Variants in HDAC8 observed in about 807,000 individuals in gnomAD.
HDAC8 encodes the protein histone deacetylase 8.
In HDAC8, 1 loss-of-function variant was observed where a neutral mutation model predicts 32.2. The ratio of observed to expected loss-of-function variants is 0.03; its 90% CI spans 0.01 to 0.15. The LOEUF (loss-of-function observed/expected upper bound fraction) is 0.15. Ranked by LOEUF, HDAC8 falls within the 10% of genes least tolerant of loss-of-function variation. The probability of loss-of-function intolerance (pLI) is 1.00; values close to 1 mark genes in which losing one functional copy is unlikely to be tolerated. For synonymous variants in HDAC8, 108 were observed against 113.9 expected (o/e 0.95, Z 0.33); for missense variants, 117 against 300.0 (o/e 0.39, Z 4.51).
chrX:72,545,528 T>C (rs1250487665), intron 4 of HDAC8, among the ~76,000 whole-genome samples: 4 of 111,939 alleles, frequency 3.6e-5, no homozygotes, highest in Non-Finnish European at 1.9e-5. Context: ...TGGGATTCCC[T>C]GTGCCACACT....
intron 9 of HDAC8, among the ~76,000 whole-genome samples, chrX:72,406,738 T>C (rs782448960): frequency 1.8e-5 from 2 of 112,654 alleles, no homozygotes; most frequent in South Asian, 7.4e-4. Context: ...CAGTCTAACA[T>C]AGTAACCACT....
At chrX:72,551,704 C>A (rs2051075798) in intron 4 of HDAC8, among the ~76,000 whole-genome samples, 1 of 111,977 alleles carries the variant, frequency 8.9e-6, no homozygotes, top group Non-Finnish European at 1.9e-5. Flanking sequence ...GCCTCCCCTG[C>A]CTCCAGTCTC....
intron 9 of HDAC8, among the ~76,000 whole-genome samples, chrX:72,361,640 A>G (rs1380469050): frequency 9.1e-6 from 1 of 109,619 alleles, no homozygotes; most frequent in Non-Finnish European, 1.9e-5. Context: ...GTGTGCGTGT[A>G]TATGTTTGCA....
At chrX:72,563,241 A>G (rs1213906360) in intron 4 of HDAC8, among the ~76,000 whole-genome samples, 1 of 111,762 alleles carries the variant, frequency 8.9e-6, no homozygotes, top group Non-Finnish European at 1.9e-5. Context: ...TATAATCCTT[A>G]TAATCATTAT....
intron 9 of HDAC8, among the ~76,000 whole-genome samples, chrX:72,416,464 T>G (rs1426634006): frequency 1.2e-5 from 1 of 83,160 alleles, no homozygotes; most frequent in Non-Finnish European, 2.4e-5. Context: ...TACTAGAGAT[T>G]TGTAAATTTT....
intron 9 of HDAC8, among the ~76,000 whole-genome samples, chrX:72,444,377 T>A (rs1457531417): frequency 8.9e-6 from 1 of 111,745 alleles, no homozygotes; most frequent in Non-Finnish European, 1.9e-5. Context: ...CAACACTGGT[T>A]CAATATACAT....
chrX:72,560,432 C>T (rs1387674917), intron 4 of HDAC8, among the ~76,000 whole-genome samples: 2 of 108,243 alleles, frequency 1.8e-5, no homozygotes, highest in African/African-American at 3.4e-5. Context: ...TGTGGAAGGC[C>T]GCAGGGTCCT....
intron 4 of HDAC8, among the ~76,000 whole-genome samples, chrX:72,505,209 T>C (rs782696818): frequency 8.9e-6 from 1 of 111,746 alleles, no homozygotes; most frequent in East Asian, 2.8e-4. Context: ...TTCACTTTGT[T>C]GATAAATATC....
rs1050546234 is a variant in HDAC8 at position 72,329,807 on chromosome X, T to C, written c.*247A>G. On this transcript the variant is annotated 3_prime_UTR_variant, in exon 11 of 11. Coordinates refer to ENST00000373573, the MANE Select transcript of HDAC8 (RefSeq NM_018486.3). ...AAAATTTCATTTGTGTGTGTGTGTTTTTTTAAATAAGAACTTTAAATGTGG... is the reference window on the plus strand; with the variant it reads ...AAAATTTCATTTGTGTGTGTGTGTTCTTTTAAATAAGAACTTTAAATGTGG... 9.3e-7 allele frequency: 1 copy of C among 1,074,167 alleles called. No homozygotes were observed. Among genetic ancestry groups the C allele is most frequent in the African/African-American group, 1.8e-5 (1 of 54,546 alleles). The allele number at this position is 1,074,167 out of a possible 1,213,427, so 88.5% of individuals were successfully genotyped here. A position where few individuals can be genotyped will look rare whatever the true frequency, so the allele number is the denominator to read the frequency against.
chrX:72,331,234 C>T (rs782486095), intron 10 of HDAC8, among the ~76,000 whole-genome samples: 18 of 111,040 alleles, frequency 1.6e-4, no homozygotes, highest in Non-Finnish European at 3.0e-4. Flanking sequence ...TATGCCCGGC[C>T]TTGCCTATCT....
chrX:72,384,924 G>C, intron 9 of HDAC8, among the ~76,000 whole-genome samples: 1 of 111,657 alleles, frequency 9.0e-6, no homozygotes, highest in Non-Finnish European at 1.9e-5. Context: ...CCTTATCTTG[G>C]AGATTCTTTC....
intron 9 of HDAC8, among the ~76,000 whole-genome samples, chrX:72,455,344 T>G (rs2047690900): frequency 2.7e-5 from 3 of 111,878 alleles, no homozygotes; most frequent in South Asian, 7.5e-4. Flanking sequence ...TAAAAAGTAT[T>G]AATTTTATTA....
At chrX:72,347,247 A>G (rs1162229245) in intron 10 of HDAC8, among the ~76,000 whole-genome samples, 3 of 111,777 alleles carry the variant, frequency 2.7e-5, no homozygotes, top group Non-Finnish European at 5.6e-5. Flanking sequence ...CCACACCCGT[A>G]TCAGTTTGTT....
intron 4 of HDAC8, among the ~76,000 whole-genome samples, chrX:72,553,592 G>A (rs1458245537): frequency 9.0e-6 from 1 of 111,506 alleles, no homozygotes; most frequent in Non-Finnish European, 1.9e-5. Context: ...GCTCATATTG[G>A]TAGGAGGGAA....
chrX:72,477,629 G>T (rs191467235), intron 7 of HDAC8, among the ~76,000 whole-genome samples: 1 of 112,478 alleles, frequency 8.9e-6, no homozygotes, highest in African/African-American at 3.2e-5. Flanking sequence ...ATACAATGAG[G>T]TGTGCAAGAA....
At chrX:72,417,334 C>T (rs1437515708) in intron 9 of HDAC8, among the ~76,000 whole-genome samples, 1 of 111,621 alleles carries the variant, frequency 9.0e-6, no homozygotes. Context: ...CTAGAAAATG[C>T]CACAGTCTCT....
intron 2 of HDAC8, among the ~76,000 whole-genome samples, chrX:72,570,210 A>G (rs1472991338): frequency 8.9e-6 from 1 of 111,760 alleles, no homozygotes; most frequent in Non-Finnish European, 1.9e-5. Context: ...TTAAAATAAA[A>G]ATTTTGTAAT....
At chrX:72,553,083 C>T (rs1556078532) in intron 4 of HDAC8, among the ~76,000 whole-genome samples, 1 of 110,984 alleles carries the variant, frequency 9.0e-6, no homozygotes, top group African/African-American at 3.3e-5. Flanking sequence ...CTCCCTCTGT[C>T]GCCCAGGCTG....
chrX:72,448,218 T>C (rs1271481987), intron 9 of HDAC8, among the ~76,000 whole-genome samples: 2 of 111,962 alleles, frequency 1.8e-5, no homozygotes, highest in East Asian at 5.6e-4. Flanking sequence ...AACAGCATGG[T>C]ACTGGTACCA....
Sources: allele counts gnomAD v4.1 joint callset (sites outside exome capture counted in the v4.1 genomes callset), GRCh38; gene constraint gnomAD v4.1.1; transcripts MANE v1.5; gene names NCBI Gene and HGNC (gene_info 2026-07-23, HGNC 2026-07-21).